The following GRID2 variants were observed in gnomAD, a reference collection of about 807,000 sequenced individuals.
The protein encoded by GRID2 is glutamate ionotropic receptor delta type subunit 2, also known as glutamate receptor ionotropic, delta-2.
A neutral mutation model predicts 114.8 loss-of-function variants in GRID2; 33 were observed. That is an observed-to-expected ratio of 0.29 (90% CI 0.22 to 0.38). The LOEUF (loss-of-function observed/expected upper bound fraction) is 0.38. Ranked by LOEUF, GRID2 falls within the 10% of genes least tolerant of loss-of-function variation. The pLI is 1.00. For synonymous variants in GRID2, 505 were observed against 449.9 expected, an observed-to-expected ratio of 1.12 and a Z score of -1.55; for missense variants, 1,184 against 1,257.7, an observed-to-expected ratio of 0.94 and a Z score of 0.89.
chr4:92,989,208 C>T (rs1357078603), intron 2 of GRID2, among the ~76,000 whole-genome samples: 3 of 130,828 alleles, frequency 2.3e-5, no homozygotes, highest in East Asian at 2.6e-4. Flanking sequence ...ACCCGGGAGG[C>T]GGAGGTTGCA....
At chr4:93,343,159 TG>T (rs1297066443) in intron 8 of GRID2, among the ~76,000 whole-genome samples, 138 of 151,914 alleles carry the variant, frequency 9.1e-4, no homozygotes, top group African/African-American at 3.1e-3. Context: ...TGTGTGTGTG[TG>T]TGTGTGTGTG....
intron 2 of GRID2, among the ~76,000 whole-genome samples, chr4:92,828,846 C>A (rs1741910468): frequency 6.6e-6 from 1 of 152,072 alleles, no homozygotes; most frequent in African/African-American, 2.4e-5. Context: ...TCTTCACCCA[C>A]TTTTTGATGG....
chr4:93,684,962 C>T (rs1725943959), intron 14 of GRID2, among the ~76,000 whole-genome samples: 1 of 151,976 alleles, frequency 6.6e-6, no homozygotes, highest in South Asian at 2.1e-4. Context: ...TGGTAAAAGG[C>T]TCTCTTGTTC....
rs550391520 is a variant in GRID2 at position 92,949,210 on chromosome 4, A to C, written c.245-135785A>C. ...GGAGTATTTAACGAGTAGCTTCTAA[A>C]ATTTTGAGATGGGATAGATTAAATG... On this transcript the variant is annotated intron_variant, in intron 2 of 15. Transcript: ENST00000282020. 3.9e-5 allele frequency among the ~76,000 whole-genome samples: 6 copies of C among 151,956 alleles called. No homozygotes were observed. In the East Asian group the frequency reaches 9.7e-4, roughly 24 times the overall value.
At chr4:92,368,286 A>G (rs932819368) in intron 1 of GRID2, among the ~76,000 whole-genome samples, 1 of 152,084 alleles carries the variant, frequency 6.6e-6, no homozygotes, top group Non-Finnish European at 1.5e-5. Flanking sequence ...CAGGACCTAG[A>G]GTTGTCCTTG....
chr4:92,589,422 A>G (rs1047901228), intron 1 of GRID2, among the ~76,000 whole-genome samples: 1 of 152,220 alleles, frequency 6.6e-6, no homozygotes, highest in Non-Finnish European at 1.5e-5. Context: ...CTTAGAATCA[A>G]TGTGTTTACC....
At chr4:92,655,691 T>C (rs1732197081) in intron 2 of GRID2, among the ~76,000 whole-genome samples, 1 of 151,802 alleles carries the variant, frequency 6.6e-6, no homozygotes, top group Non-Finnish European at 1.5e-5. Context: ...TATTGATGGC[T>C]AGAAATATTA....
chr4:93,078,762 T>TATTTATATACTGTATATACTAAATATA (rs1560855764), intron 2 of GRID2, among the ~76,000 whole-genome samples: 606 of 55,266 alleles, frequency 0.011, 10 homozygotes, highest in African/African-American at 0.032. Flanking sequence ...AATATAATTA[T>TATTTATATACTGTATATACTAAATATA]ATTATATTTA....
intron 13 of GRID2, among the ~76,000 whole-genome samples, chr4:93,520,854 G>A (rs181105404): frequency 7.2e-5 from 11 of 152,278 alleles, no homozygotes; most frequent in Admixed American, 6.5e-4. Context: ...CCAGTGCAGA[G>A]TTTTGAGCAG....
intron 2 of GRID2, among the ~76,000 whole-genome samples, chr4:92,752,074 A>T (rs1737478221): frequency 6.6e-6 from 1 of 152,210 alleles, no homozygotes; most frequent in South Asian, 2.1e-4. Context: ...TGGTAAACAC[A>T]TGTTGGCTGT....
At chr4:92,634,879 A>G (rs4994510) in intron 2 of GRID2, among the ~76,000 whole-genome samples, 47,972 of 135,192 alleles carry the variant, frequency 0.35, 8,227 homozygotes, top group African/African-American at 0.48. Context: ...GAGAGAGAGA[A>G]AGAGAGAGAG....
chr4:92,712,608 T>A (rs1034456165), intron 2 of GRID2, among the ~76,000 whole-genome samples: 7 of 152,158 alleles, frequency 4.6e-5, no homozygotes, highest in Non-Finnish European at 8.8e-5. Context: ...TTAGGAAGAA[T>A]GGGTGTTTTT....
In GRID2 at chr4:93,395,699, A is replaced by C; in HGVS notation, c.1338A>C (p.Val446=). The C allele has an allele frequency of 6.8e-7, 1 of 1,468,218 alleles. No homozygotes were observed. 90.9% of individuals were successfully genotyped at this position (1,468,218 alleles called of 1,614,324 possible). A position where few individuals can be genotyped will look rare whatever the true frequency, so the allele number is the denominator to read the frequency against. ...NNMRGVVLRV[V]TVLEEPFVMV... is the part of the protein sequence containing the mutation. Reference sequence around the variant, plus strand: ...TGCGTGGAGTGGTTCTACGTGTAGTAACTGTTCTGGTAAGTATTATCTGAG... The same window carrying C: ...TGCGTGGAGTGGTTCTACGTGTAGTCACTGTTCTGGTAAGTATTATCTGAG... The change falls in exon 9 of 16, where the codon GTA becomes GTC. Residue 446 remains valine, a synonymous_variant. Coordinates refer to ENST00000282020, the MANE Select transcript of GRID2 (RefSeq NM_001510.4).
chr4:93,452,549 G>C (rs1722788387), intron 10 of GRID2, among the ~76,000 whole-genome samples: 1 of 152,114 alleles, frequency 6.6e-6, no homozygotes, highest in African/African-American at 2.4e-5. Context: ...ATCTGAAATA[G>C]AGAGAGATTG....
At chr4:92,390,814 A>G (rs1207412912) in intron 1 of GRID2, among the ~76,000 whole-genome samples, 4 of 152,152 alleles carry the variant, frequency 2.6e-5, no homozygotes, top group Non-Finnish European at 5.9e-5. Context: ...ATGGTATAAT[A>G]TACAATTTTA....
At chr4:92,986,658 A>G (rs767511526) in intron 2 of GRID2, among the ~76,000 whole-genome samples, 13 of 152,176 alleles carry the variant, frequency 8.5e-5, no homozygotes, top group Admixed American at 2.0e-4. Flanking sequence ...GGGGGTATAT[A>G]TGAACTGTGC....
chr4:93,320,342 G>C (rs914459520), intron 8 of GRID2, among the ~76,000 whole-genome samples: 4 of 151,994 alleles, frequency 2.6e-5, no homozygotes, highest in African/African-American at 9.7e-5. Context: ...AGCTGAGGTT[G>C]GTAAATTGAT....
chr4:92,307,478 G>A (rs1214305706), intron 1 of GRID2, among the ~76,000 whole-genome samples: 2 of 151,918 alleles, frequency 1.3e-5, no homozygotes, highest in Non-Finnish European at 2.9e-5. Flanking sequence ...GAATTATTTT[G>A]GTATTGAACC....
At chr4:92,931,517 T>C (rs1750234089) in intron 2 of GRID2, among the ~76,000 whole-genome samples, 1 of 150,786 alleles carries the variant, frequency 6.6e-6, no homozygotes, top group Non-Finnish European at 1.5e-5. Context: ...TACATAAATA[T>C]TGGGATACAT....
Sources: gnomAD v4.1 joint callset for allele counts (sites outside exome capture counted in the v4.1 genomes callset) on GRCh38, gnomAD v4.1.1 for gene constraint, MANE v1.5 for transcripts, NCBI Gene and HGNC (gene_info 2026-07-23, HGNC 2026-07-21) for gene names.